Variants in BRWD3 observed in about 807,000 individuals in gnomAD.
BRWD3 encodes the protein bromodomain and WD repeat domain containing 3.
A neutral mutation model predicts 149.7 loss-of-function variants in BRWD3; 10 were observed. The observed-to-expected ratio is 0.07, with a 90% CI of 0.04 to 0.11. The LOEUF (loss-of-function observed/expected upper bound fraction) is 0.11. Among genes scored for constraint, BRWD3 ranks in the 10% least tolerant of loss-of-function variants. BRWD3 has a pLI of 1.00. For synonymous variants in BRWD3, 504 were observed against 456.7 expected, an observed-to-expected ratio of 1.10 and a Z score of -1.32; for missense variants, 940 against 1,373.2, an observed-to-expected ratio of 0.68 and a Z score of 4.99.
intron 14 of BRWD3, among the ~76,000 whole-genome samples, 169 bp downstream of exon 14, chrX:80,728,583 C>T (rs748133417): frequency 1.2e-4 from 13 of 111,367 alleles, no homozygotes; most frequent in East Asian, 8.5e-4. Context: ...GCAGGTATAG[C>T]GCGTGTCATC....
Position 80,733,503 on chromosome X carries a change from C to T in BRWD3, c.1087-7G>A, listed in dbSNP as rs1404669697. ...GAACAGCAACAACTTTATCCTAAGA[C>T]ATGAAACAGATTTTTCGTTAAAATG... On this transcript the variant is annotated splice_polypyrimidine_tract_variant and splice_region_variant and intron_variant, in intron 11 of 40. Coordinates refer to ENST00000373275, the MANE Select transcript of BRWD3 (RefSeq NM_153252.5). 1 of 1,188,566 alleles carries T rather than the reference C, an allele frequency of 8.4e-7. No individual in the cohort carries two copies. The highest frequency in any genetic ancestry group is 1.1e-6 in the Non-Finnish European group (1 of 877,114).
chrX:80,734,589 T>A (rs1176525416), intron 10 of BRWD3, among the ~76,000 whole-genome samples: 1 of 111,049 alleles, frequency 9.0e-6, no homozygotes, highest in Non-Finnish European at 1.9e-5. Context: ...GCTTTTGGGA[T>A]GATGAAAAAG....
chrX:80,745,215 A>C (rs375703335), intron 7 of BRWD3, among the ~76,000 whole-genome samples: 45 of 111,576 alleles, frequency 4.0e-4, no homozygotes, highest in Admixed American at 1.4e-3. Flanking sequence ...TTTAGGGAAA[A>C]CTGGCAGCAA....
At chrX:80,745,143 A>T (rs2073572768) in intron 7 of BRWD3, among the ~76,000 whole-genome samples, 1 of 111,533 alleles carries the variant, frequency 9.0e-6, no homozygotes. Flanking sequence ...TATAAAAAAT[A>T]GCTATAATCT....
Position 80,807,503 on chromosome X carries a change from T to C in BRWD3, c.180+1036A>G. Among the ~76,000 whole-genome samples, 2 of 112,184 alleles carry C rather than the reference T, an allele frequency of 1.8e-5. 1 individual carries two copies. ...AACTTTCTTTAACTTTGTCCGATTTTCCTCCACTTGGATCTTACTTGAAGG... is the reference window on the plus strand; with the variant it reads ...AACTTTCTTTAACTTTGTCCGATTTCCCTCCACTTGGATCTTACTTGAAGG... On this transcript the variant is annotated intron_variant, in intron 4 of 40. Coordinates refer to ENST00000373275, the MANE Select transcript of BRWD3 (RefSeq NM_153252.5).
rs111676150 is a variant in BRWD3 at position 80,692,665 on chromosome X, A to G, written c.3263+275T>C. On this transcript the variant is annotated intron_variant, in intron 28 of 40. Transcript: ENST00000373275. ...AAAAATAGTTGCAATTCTTGTCTAA[A>G]GTAGAAATAGTTAATAGAAAATGCA... 0.098 allele frequency among the ~76,000 whole-genome samples: 10,975 copies of G among 111,957 alleles called. 588 individuals carry two copies. Among genetic ancestry groups the G allele is most frequent in the Non-Finnish European group, 0.16 (8,388 of 53,007 alleles).
chrX:80,716,058 A>T, intron 20 of BRWD3, 99 bp downstream of exon 20: 1 of 668,916 alleles, frequency 1.5e-6, no homozygotes, highest in Non-Finnish European at 2.4e-6. Flanking sequence ...GATACCTATT[A>T]AAATAGTCTC....
Position 80,735,536 on chromosome X carries a change from T to G in BRWD3, c.915-339A>C, listed in dbSNP as rs1401640651. On this transcript the variant is annotated intron_variant, in intron 9 of 40. Coordinates refer to ENST00000373275, the MANE Select transcript of BRWD3 (RefSeq NM_153252.5). ...TCTTCAACATTAATATCAAAAAAAT[T>G]TTGGCTGGGCACAGTGGCTCACGCC... Among the ~76,000 whole-genome samples, 5 of 111,255 alleles carry G rather than the reference T, an allele frequency of 4.5e-5. No individual in the cohort carries two copies. In the Admixed American group the frequency reaches 4.8e-4, roughly 11 times the overall value.
intron 9 of BRWD3, 151 bp from the exon 10 acceptor site, chrX:80,735,348 G>T: frequency 2.1e-6 from 1 of 468,860 alleles, no homozygotes; most frequent in East Asian, 3.8e-5. Context: ...TCATCAATTA[G>T]GTTAAAAATG....
chrX:80,692,172 C>A, intron 28 of BRWD3, 22 bp from the exon 29 acceptor site: 2 of 1,163,866 alleles, frequency 1.7e-6, no homozygotes, highest in Non-Finnish European at 2.3e-6. Flanking sequence ...TAAGAAGATG[C>A]AAATCAAATT....
intron 6 of BRWD3, among the ~76,000 whole-genome samples, chrX:80,786,842 T>C (rs1408691520): frequency 4.5e-5 from 5 of 111,694 alleles, no homozygotes; most frequent in Non-Finnish European, 9.4e-5. Context: ...TCCACCATTG[T>C]AGTAAAGGCA....
chrX:80,802,712 G>A (rs2074313199), intron 4 of BRWD3, among the ~76,000 whole-genome samples: 1 of 110,604 alleles, frequency 9.0e-6, no homozygotes, highest in Non-Finnish European at 1.9e-5. Context: ...GTCAATCTCT[G>A]AGAGCTTAAG....
intron 15 of BRWD3, 116 bp from the exon 16 acceptor site, chrX:80,723,992 T>C (rs1012841947): frequency 2.9e-5 from 25 of 853,948 alleles, no homozygotes; most frequent in Middle Eastern, 3.1e-4. Context: ...TCCAAAGTAC[T>C]CTCTCTGGCT....
At chrX:80,794,591 A>G (rs2074218397) in intron 4 of BRWD3, among the ~76,000 whole-genome samples, 1 of 110,447 alleles carries the variant, frequency 9.1e-6, no homozygotes, top group African/African-American at 3.3e-5. Flanking sequence ...TATATTCCAT[A>G]TACATATGGA....
chrX:80,756,502 CAAAAAAAAAAA>C (rs974549325), intron 6 of BRWD3, among the ~76,000 whole-genome samples: 7 of 41,322 alleles, frequency 1.7e-4, no homozygotes, highest in South Asian at 3.9e-3. Flanking sequence ...AACTCTGTCT[CAAAAAAAAAAA>C]AAAAAAAAAA....
rs2072340034 is a variant in BRWD3 at position 80,673,573 on chromosome X, T to A, written c.*3036A>T. On this transcript the variant is annotated 3_prime_UTR_variant, in exon 41 of 41. Transcript: ENST00000373275. Reference sequence around the variant, plus strand: ...AAGTAGGCTAGTAGGCTAGTGAATGTTTTAGAGAGCATCCTATTGCTGAAA... The same window carrying A: ...AAGTAGGCTAGTAGGCTAGTGAATGATTTAGAGAGCATCCTATTGCTGAAA... 1 of 111,441 alleles carries A rather than the reference T, an allele frequency of 9.0e-6. No individual in the cohort carries two copies. The highest frequency in any genetic ancestry group is 1.9e-5 in the Non-Finnish European group (1 of 52,942). 9.2% of individuals were successfully genotyped at this position (111,441 alleles called of 1,213,427 possible).
chrX:80,801,108 A>T (rs2074290016), intron 4 of BRWD3, among the ~76,000 whole-genome samples: 1 of 109,514 alleles, frequency 9.1e-6, no homozygotes, highest in Non-Finnish European at 1.9e-5. Context: ...AAATATATAT[A>T]TCTATATATA....
intron 26 of BRWD3, among the ~76,000 whole-genome samples, chrX:80,696,297 A>G (rs1296792728): frequency 1.8e-5 from 2 of 110,988 alleles, no homozygotes; most frequent in African/African-American, 6.5e-5. Flanking sequence ...TCAACTTCAC[A>G]TAAAGAGCCT....
At chrX:80,723,381 C>G (rs981128254) in intron 16 of BRWD3, among the ~76,000 whole-genome samples, 2 of 111,009 alleles carry the variant, frequency 1.8e-5, no homozygotes, top group African/African-American at 6.5e-5. Context: ...AAAACAGCCA[C>G]CTAAGAAAAT....
Sources: gnomAD v4.1 joint callset for allele counts (sites outside exome capture counted in the v4.1 genomes callset) on GRCh38, gnomAD v4.1.1 for gene constraint, MANE v1.5 for transcripts, NCBI Gene and HGNC (gene_info 2026-07-23, HGNC 2026-07-21) for gene names.